SLC35H1: variants seen among roughly 807,000 people sequenced by gnomAD.
SLC35H1 encodes the protein ovarian cancer-overexpressed gene 1 protein.
the SLC35H1 span, chr20:46,358,915 C>T: frequency 1.6e-6 from 1 of 639,160 alleles, no homozygotes; most frequent in Non-Finnish European, 2.8e-6. Flanking sequence ...TGTCTGCTGT[C>T]TTGTCACCTC....
At chr20:46,352,304 C>G in the SLC35H1 span, 5 of 1,295,164 alleles carry the variant, frequency 3.9e-6, no homozygotes, top group East Asian at 1.2e-4. Flanking sequence ...CACACAAGAT[C>G]TTCCACTGTA....
chr20:46,355,211 T>C, the SLC35H1 span: 1 of 1,613,844 alleles, frequency 6.2e-7, no homozygotes, highest in South Asian at 1.1e-5. The surrounding 1 kb of genome is among the most constrained non-coding windows in gnomAD (Gnocchi z 4.8). Context: ...CCCCCGGCGA[T>C]GAGGAGGACC....
chr20:46,346,301 G>T, the SLC35H1 span: 2 of 152,296 alleles, frequency 1.3e-5, no homozygotes, highest in African/African-American at 4.8e-5. Context: ...CAGGGGTGAA[G>T]GGACGTGGCT....
the SLC35H1 span, among the ~76,000 whole-genome samples, chr20:46,351,868 C>T: frequency 6.6e-6 from 1 of 152,200 alleles, no homozygotes; most frequent in African/African-American, 2.4e-5. Flanking sequence ...TCTCACAGGG[C>T]TGTGGTCAAG....
chr20:46,358,663 T>C, the SLC35H1 span: 1 of 1,552,134 alleles, frequency 6.4e-7, no homozygotes, highest in East Asian at 2.4e-5. Flanking sequence ...TTCGGAACCA[T>C]CAGCAGAGCC....
chr20:46,352,246 A>T, the SLC35H1 span: 1 of 1,612,596 alleles, frequency 6.2e-7, no homozygotes, highest in Non-Finnish European at 8.5e-7. Context: ...ACAGGGAGAG[A>T]GAGTGGGAGG....
At chr20:46,356,039 C>A in the SLC35H1 span, among the ~76,000 whole-genome samples, 1 of 152,088 alleles carries the variant, frequency 6.6e-6, no homozygotes, top group East Asian at 1.9e-4. Flanking sequence ...GACTAAGAGG[C>A]CTCTGGTTAT....
At chr20:46,351,513 AAGG>A in the SLC35H1 span, among the ~76,000 whole-genome samples, 4 of 152,216 alleles carry the variant, frequency 2.6e-5, no homozygotes, top group Middle Eastern at 3.4e-3. Flanking sequence ...TGGGAGGGAG[AAGG>A]AGAAGTGAGA....
the SLC35H1 span, chr20:46,358,433 T>A: frequency 6.2e-7 from 1 of 1,614,044 alleles, no homozygotes; most frequent in South Asian, 1.1e-5. Context: ...GGAGAAGCAG[T>A]AGTAGAGAAG....
At chr20:46,348,161 T>C in the SLC35H1 span, 1 of 131,388 alleles carries the variant, frequency 7.6e-6, no homozygotes, top group African/African-American at 2.8e-5. Flanking sequence ...GGCCAGGCGA[T>C]TGGGTGGGCT....
the SLC35H1 span, among the ~76,000 whole-genome samples, chr20:46,354,006 CGGGACTCTGG>C: frequency 6.6e-6 from 1 of 152,064 alleles, no homozygotes; most frequent in Non-Finnish European, 1.5e-5. Flanking sequence ...GCATTACAGA[CGGGACTCTGG>C]GAGGAAGGAT....
the SLC35H1 span, chr20:46,350,574 G>T: frequency 6.5e-7 from 1 of 1,545,416 alleles, no homozygotes; most frequent in South Asian, 1.2e-5. Flanking sequence ...GGTTTTCTTG[G>T]TTTGCTCTGA....
chr20:46,352,452 G>A, the SLC35H1 span: 3 of 546,006 alleles, frequency 5.5e-6, no homozygotes, highest in East Asian at 9.4e-5. Flanking sequence ...GCGCCTGGGG[G>A]CAATACAAGC....
the SLC35H1 span, chr20:46,356,787 T>G: frequency 1.4e-6 from 1 of 692,416 alleles, no homozygotes. Flanking sequence ...CACCAGCAAC[T>G]AAAGGGTTAA....
the SLC35H1 span, chr20:46,352,257 C>T: frequency 6.2e-7 from 1 of 1,609,460 alleles, no homozygotes; most frequent in Non-Finnish European, 8.5e-7. Flanking sequence ...GAGTGGGAGG[C>T]CGGGTCCTGG....
At chr20:46,352,193 C>A in the SLC35H1 span, 2 of 1,614,162 alleles carry the variant, frequency 1.2e-6, no homozygotes, top group Non-Finnish European at 1.7e-6. Context: ...GTCCTGGAAA[C>A]GGAAGATTTT....
the SLC35H1 span, chr20:46,358,542 C>CG: frequency 4.3e-6 from 7 of 1,614,030 alleles, no homozygotes; most frequent in Non-Finnish European, 5.9e-6. Flanking sequence ...CCTGAGTCAG[C>CG]GGGGGCAGGC....
the SLC35H1 span, among the ~76,000 whole-genome samples, chr20:46,360,842 C>A: frequency 5.3e-5 from 8 of 152,192 alleles, no homozygotes; most frequent in Non-Finnish European, 1.0e-4. Context: ...AGCCACCGCG[C>A]CCGGCTGCAT....
the SLC35H1 span, chr20:46,355,047 C>T: frequency 2.5e-6 from 4 of 1,613,922 alleles, no homozygotes; most frequent in South Asian, 4.4e-5. This position sits in a 1 kb window ranked among gnomAD's most constrained non-coding sequence, Gnocchi z 4.8. Context: ...GTTCCTCTCT[C>T]TGGAGGATGA....
Sources: gnomAD v4.1 joint callset for allele counts (sites outside exome capture counted in the v4.1 genomes callset) on GRCh38, gnomAD v4.1.1 for gene constraint, Gnocchi (gnomAD v3.1) non-coding constraint, MANE v1.5 for transcripts, NCBI Gene and HGNC (gene_info 2026-07-23, HGNC 2026-07-21) for gene names.